The following CTNNA3 variants were observed in gnomAD, a reference collection of about 807,000 sequenced individuals.
The protein encoded by CTNNA3 is catenin alpha 3.
CTNNA3 carries 76 observed loss-of-function variants against 95.7 expected under a neutral mutation model. The ratio of observed to expected loss-of-function variants is 0.79; its 90% CI spans 0.66 to 0.96. CTNNA3 has a LOEUF of 0.96. Ranked by LOEUF, CTNNA3 falls within the 40% of genes least tolerant of loss-of-function variation. The probability of loss-of-function intolerance (pLI) is 0.00; values close to 1 mark genes in which losing one functional copy is unlikely to be tolerated. For missense variants in CTNNA3, 1,191 were observed against 1,089.8 expected (o/e 1.09, Z -1.31); for synonymous variants, 431 against 374.4 (o/e 1.15, Z -1.74).
intron 10 of CTNNA3, among the ~76,000 whole-genome samples, chr10:66,608,420 C>T (rs555781066): frequency 6.6e-6 from 1 of 152,078 alleles, no homozygotes; most frequent in Non-Finnish European, 1.5e-5. Context: ...CTACCAATGA[C>T]ACTCTTCACA....
At chr10:66,618,444 A>G (rs1844610491) in intron 10 of CTNNA3, among the ~76,000 whole-genome samples, 7 of 152,170 alleles carry the variant, frequency 4.6e-5, no homozygotes, top group Admixed American at 4.6e-4. Flanking sequence ...AAACCTGAGA[A>G]AAACAAGAAA....
chr10:66,881,565 A>T (rs1385944648), intron 7 of CTNNA3, among the ~76,000 whole-genome samples: 3 of 152,096 alleles, frequency 2.0e-5, no homozygotes, highest in Non-Finnish European at 2.9e-5. Flanking sequence ...ACATATTCAA[A>T]TAAATAATAA....
At chr10:66,858,398 G>A (rs561418246) in intron 7 of CTNNA3, among the ~76,000 whole-genome samples, 12 of 152,134 alleles carry the variant, frequency 7.9e-5, no homozygotes, top group Admixed American at 6.6e-5. Context: ...TTGGTACCAG[G>A]ATGAGGCTGG....
intron 17 of CTNNA3, among the ~76,000 whole-genome samples, chr10:65,942,530 A>AAAC (rs748892534): frequency 2.6e-4 from 40 of 152,204 alleles, no homozygotes; most frequent in Non-Finnish European, 5.1e-4. Flanking sequence ...TCCCTCTCAA[A>AAAC]AACAACAACA....
Position 65,972,941 on chromosome 10 carries a change from T to C in CTNNA3, c.2266-6195A>G, listed in dbSNP as rs186746997. 2.6e-4 allele frequency among the ~76,000 whole-genome samples: 38 copies of C among 147,788 alleles called. 1 individual carries two copies. The highest frequency in any genetic ancestry group is 8.1e-4 in the African/African-American group (33 of 40,538). ...AAAAAAAGAAGCCAGAGGCATCATATTACTTGACTTCAAACTACACTATAA... is the reference window on the plus strand; with the variant it reads ...AAAAAAAGAAGCCAGAGGCATCATACTACTTGACTTCAAACTACACTATAA... On this transcript the variant is annotated intron_variant, in intron 16 of 17. Coordinates refer to ENST00000433211, the MANE Select transcript of CTNNA3 (RefSeq NM_013266.4).
chr10:66,913,340 G>A (rs1846321634), intron 7 of CTNNA3, among the ~76,000 whole-genome samples: 1 of 151,058 alleles, frequency 6.6e-6, no homozygotes, highest in Non-Finnish European at 1.5e-5. Flanking sequence ...TGGAGGATAT[G>A]GATAACAAAG....
chr10:67,190,393 G>T (rs1427024107), intron 6 of CTNNA3, among the ~76,000 whole-genome samples: 1 of 151,906 alleles, frequency 6.6e-6, no homozygotes, highest in African/African-American at 2.4e-5. Context: ...CCTAGGAAAA[G>T]GTCTAAAGGA....
chr10:66,096,541 T>A (rs1263778454), intron 14 of CTNNA3, among the ~76,000 whole-genome samples: 2 of 122,568 alleles, frequency 1.6e-5, no homozygotes, highest in East Asian at 5.2e-4. Context: ...TTTTTTTTTT[T>A]AGGCAGTCTC....
At chr10:65,981,702 C>G (rs2078322682) in intron 16 of CTNNA3, among the ~76,000 whole-genome samples, 1 of 151,792 alleles carries the variant, frequency 6.6e-6, no homozygotes, top group South Asian at 2.1e-4. Context: ...CAAATGCTTA[C>G]AGTGAAATGA....
chr10:67,524,935 C>A (rs1305089985), intron 4 of CTNNA3, among the ~76,000 whole-genome samples: 1 of 152,122 alleles, frequency 6.6e-6, no homozygotes, highest in East Asian at 1.9e-4. Context: ...TTGAAACAAA[C>A]CTCCAAGATT....
At chr10:67,300,179 C>T (rs1840209533) in intron 5 of CTNNA3, among the ~76,000 whole-genome samples, 1 of 152,148 alleles carries the variant, frequency 6.6e-6, no homozygotes, top group Non-Finnish European at 1.5e-5. Flanking sequence ...AAACCGCTCC[C>T]CCCACAAAAA....
At chr10:66,080,589 G>A (rs755301558) in intron 14 of CTNNA3, among the ~76,000 whole-genome samples, 3 of 152,152 alleles carry the variant, frequency 2.0e-5, no homozygotes, top group Non-Finnish European at 4.4e-5. Flanking sequence ...AACTCTGCAA[G>A]TCCATGACTT....
intron 5 of CTNNA3, among the ~76,000 whole-genome samples, chr10:67,473,914 T>C (rs1011385994): frequency 1.3e-5 from 2 of 152,196 alleles, no homozygotes; most frequent in African/African-American, 4.8e-5. Context: ...GACAGGAATG[T>C]AGCTATGTAG....
intron 9 of CTNNA3, among the ~76,000 whole-genome samples, chr10:66,623,264 AT>A (rs1327612805): frequency 2.0e-4 from 31 of 152,164 alleles, no homozygotes; most frequent in African/African-American, 7.0e-4. Context: ...AAGTAAAAAA[AT>A]AAAAATAAAA....
chr10:66,191,480 T>A (rs72795380), intron 13 of CTNNA3, among the ~76,000 whole-genome samples: 1 of 152,038 alleles, frequency 6.6e-6, no homozygotes, highest in Non-Finnish European at 1.5e-5. Flanking sequence ...AAAGGCCTAA[T>A]CATGCAGAAA....
intron 3 of CTNNA3, among the ~76,000 whole-genome samples, chr10:67,586,811 G>T (rs1247327685): frequency 6.6e-6 from 1 of 151,842 alleles, no homozygotes; most frequent in Non-Finnish European, 1.5e-5. Flanking sequence ...ATATGTAAGG[G>T]ATTTTTTCTG....
At chr10:67,520,461 T>C (rs1839949098) in intron 5 of CTNNA3, among the ~76,000 whole-genome samples, 1 of 151,804 alleles carries the variant, frequency 6.6e-6, no homozygotes, top group South Asian at 2.1e-4. Context: ...TAAAATATGG[T>C]TTTGGAAACA....
chr10:67,418,451 A>G (rs10740277), intron 5 of CTNNA3, among the ~76,000 whole-genome samples: 139,397 of 151,394 alleles, frequency 0.92, 64,564 homozygotes, highest in East Asian at 1. Context: ...TGTATCTATC[A>G]ACACATAAAT....
intron 10 of CTNNA3, among the ~76,000 whole-genome samples, chr10:66,549,773 A>G (rs1411021779): frequency 1.3e-5 from 2 of 152,160 alleles, no homozygotes; most frequent in Non-Finnish European, 2.9e-5. Context: ...ATTTATAGAT[A>G]TTGGGTGTTT....
Sources: allele counts gnomAD v4.1 joint callset (sites outside exome capture counted in the v4.1 genomes callset), GRCh38; gene constraint gnomAD v4.1.1; transcripts MANE v1.5; gene names NCBI Gene and HGNC (gene_info 2026-07-23, HGNC 2026-07-21).